PLAC1: variants seen among roughly 807,000 people sequenced by gnomAD.
PLAC1 encodes the protein placenta associated 1.
For missense variants in PLAC1, 136 were observed against 163.2 expected (o/e 0.83, Z 0.91); for synonymous variants, 68 against 62.1 (o/e 1.09, Z -0.44).
chrX:134,692,951 G>T (rs981927891), intron 2 of PLAC1, among the ~76,000 whole-genome samples: 2 of 111,831 alleles, frequency 1.8e-5, no homozygotes, highest in African/African-American at 6.5e-5. Flanking sequence ...GGGGGAAGTG[G>T]CTGTAAGCTG....
At chrX:134,644,834 C>G (rs1476994760) in intron 1 of PLAC1, among the ~76,000 whole-genome samples, 3 of 111,807 alleles carry the variant, frequency 2.7e-5, no homozygotes, top group Non-Finnish European at 5.6e-5. Context: ...TCTATTCTCA[C>G]TCTCATGTCT....
At chrX:134,575,890 A>C (rs2077936430) in intron 2 of PLAC1, among the ~76,000 whole-genome samples, 1 of 109,849 alleles carries the variant, frequency 9.1e-6, no homozygotes, top group Admixed American at 9.8e-5. Flanking sequence ...ATTATAATAC[A>C]TAATATTTTA....
intron 2 of PLAC1, among the ~76,000 whole-genome samples, chrX:134,668,429 C>T (rs910571046): frequency 6.2e-5 from 7 of 112,460 alleles, no homozygotes; most frequent in Admixed American, 1.9e-4. Flanking sequence ...AACCTAAAGT[C>T]ACACATCTAT....
intron 1 of PLAC1, among the ~76,000 whole-genome samples, chrX:134,761,046 A>G (rs184124174): frequency 5.6e-4 from 62 of 111,638 alleles, no homozygotes; most frequent in Non-Finnish European, 1.1e-3. Flanking sequence ...TGAATAGCAG[A>G]TACTCCCAGC....
chrX:134,756,853 A>G (rs1295009522), intron 1 of PLAC1, among the ~76,000 whole-genome samples: 1 of 110,969 alleles, frequency 9.0e-6, no homozygotes, highest in African/African-American at 3.3e-5. Context: ...CGTCTCAAAA[A>G]AAAAAAAAAG....
intron 1 of PLAC1, chrX:134,604,393 C>T (rs752569676): frequency 5.3e-5 from 6 of 112,338 alleles, no homozygotes; most frequent in South Asian, 7.4e-4. Flanking sequence ...TGACAGGAAT[C>T]CCACTACTCA....
At chrX:134,676,741 G>A (rs1324290178) in intron 2 of PLAC1, among the ~76,000 whole-genome samples, 1 of 111,730 alleles carries the variant, frequency 9.0e-6, no homozygotes, top group Non-Finnish European at 1.9e-5. Flanking sequence ...TCTAGTCTGG[G>A]TCTCAGTGTC....
intron 2 of PLAC1, among the ~76,000 whole-genome samples, chrX:134,578,874 G>T (rs2077958738): frequency 1.8e-5 from 2 of 109,992 alleles, no homozygotes; most frequent in Admixed American, 9.8e-5. Context: ...AATTTAAAAG[G>T]TTGGGGCTCT....
At chrX:134,731,616 G>A (rs1462205238) in intron 2 of PLAC1, among the ~76,000 whole-genome samples, 1 of 111,609 alleles carries the variant, frequency 9.0e-6, no homozygotes, top group South Asian at 3.8e-4. Flanking sequence ...TACTACTGCC[G>A]GGGTAGAGCA....
Position 134,624,251 on chromosome X carries a change from A to C in PLAC1, c.-130-22129T>G, listed in dbSNP as rs1346699537. 2.7e-5 allele frequency among the ~76,000 whole-genome samples: 3 copies of C among 112,218 alleles called. No individual in the cohort carries two copies. In the East Asian group the frequency reaches 8.4e-4, roughly 31 times the overall value. ...TTCCCCAACCCCTTGCATAACAGGG[A>C]TTCCATAAGCATGAGCTTCAAATGC... On this transcript the variant is annotated intron_variant, in intron 1 of 2. Transcript: ENST00000359237.
At chrX:134,696,083 A>T (rs1300953801) in intron 2 of PLAC1, among the ~76,000 whole-genome samples, 63 of 112,052 alleles carry the variant, frequency 5.6e-4, no homozygotes, top group Non-Finnish European at 7.5e-5. Context: ...TTATACAAAA[A>T]AAATCCATTG....
chrX:134,637,712 G>T (rs1015047592), intron 1 of PLAC1, among the ~76,000 whole-genome samples: 1 of 111,547 alleles, frequency 9.0e-6, no homozygotes, highest in African/African-American at 3.3e-5. Context: ...GCCGGGCATG[G>T]TGACACATGC....
intron 1 of PLAC1, among the ~76,000 whole-genome samples, chrX:134,645,900 T>C (rs1046861839): frequency 2.7e-5 from 3 of 111,660 alleles, no homozygotes; most frequent in Non-Finnish European, 3.8e-5. Flanking sequence ...TCTCTCTGCA[T>C]AGCTTAGGTC....
At chrX:134,617,246 C>T (rs1340364215) in intron 1 of PLAC1, among the ~76,000 whole-genome samples, 2 of 111,844 alleles carry the variant, frequency 1.8e-5, no homozygotes, top group Admixed American at 1.9e-4. Context: ...GCCTCGGCCT[C>T]CCAAAGTGCT....
In PLAC1 at chrX:134,566,361, T is replaced by C. The variant is rs1031046180; in HGVS notation, c.322A>G (p.Lys108Glu). ...IHYSSKGTPS[K>E]FVIPVSCAAP... is the part of the protein sequence containing the mutation. The stretch of plus-strand genomic sequence containing the variant: ...GCACATGACACTGGGATCACAAACT[T>C]AGATGGCGTGCCCTTAGAAGAGTAG... Residue 108 changes from lysine (K) to glutamate (E), a missense_variant, in exon 3 of 3, where the codon AAG (lysine) becomes GAG (glutamate). By Grantham distance (56) the Lys-to-Glu change is moderately conservative. Coordinates refer to ENST00000359237, the MANE Select transcript of PLAC1 (RefSeq NM_021796.4). The C allele has an allele frequency of 2.1e-5, 26 of 1,209,864 alleles. No homozygotes were observed. The highest frequency in any genetic ancestry group is 2.7e-5 in the Non-Finnish European group (24 of 895,096).
At chrX:134,748,022 T>G (rs1470996500) in intron 1 of PLAC1, among the ~76,000 whole-genome samples, 1 of 112,120 alleles carries the variant, frequency 8.9e-6, no homozygotes, top group East Asian at 2.8e-4. Flanking sequence ...ATCACATGTC[T>G]CTTTTGTTTT....
chrX:134,621,333 C>A (rs1337956974), intron 1 of PLAC1, among the ~76,000 whole-genome samples: 1 of 105,555 alleles, frequency 9.5e-6, no homozygotes, highest in East Asian at 3.0e-4. Flanking sequence ...GTGATCCCAG[C>A]TACTTGAGAG....
intron 1 of PLAC1, among the ~76,000 whole-genome samples, chrX:134,650,356 C>T (rs1214918649): frequency 3.6e-5 from 4 of 111,696 alleles, no homozygotes; most frequent in Non-Finnish European, 7.5e-5. Context: ...AGAAACAACA[C>T]GGTGACAGCA....
At chrX:134,636,011 A>T (rs1368265862) in intron 1 of PLAC1, among the ~76,000 whole-genome samples, 1 of 112,198 alleles carries the variant, frequency 8.9e-6, no homozygotes, top group Non-Finnish European at 1.9e-5. Context: ...TGCCTTCGAT[A>T]ATGACACTAG....
Sources: allele counts gnomAD v4.1 joint callset (sites outside exome capture counted in the v4.1 genomes callset), GRCh38; gene constraint gnomAD v4.1.1; transcripts MANE v1.5; gene names NCBI Gene and HGNC (gene_info 2026-07-23, HGNC 2026-07-21).